RIGI: variants seen among roughly 807,000 people sequenced by gnomAD.
The protein encoded by RIGI is antiviral innate immune response receptor RIG-I.
the RIGI span, among the ~76,000 whole-genome samples, chr9:32,519,542 AT>A: frequency 6.6e-6 from 1 of 152,216 alleles, no homozygotes; most frequent in Non-Finnish European, 1.5e-5. Flanking sequence ...GTACATTATT[AT>A]TGGTTATTTG....
the RIGI span, chr9:32,481,355 G>A: frequency 6.2e-6 from 10 of 1,612,512 alleles, no homozygotes; most frequent in African/African-American, 1.3e-5. Flanking sequence ...AATGTGAAGT[G>A]TATAAAAACA....
the RIGI span, among the ~76,000 whole-genome samples, chr9:32,481,865 G>T: frequency 1.3e-5 from 2 of 152,164 alleles, no homozygotes; most frequent in African/African-American, 4.8e-5. Context: ...GATTACAGGC[G>T]TGAGCCACTG....
the RIGI span, among the ~76,000 whole-genome samples, chr9:32,469,802 T>C: frequency 3.9e-5 from 6 of 152,222 alleles, no homozygotes; most frequent in African/African-American, 1.4e-4. Flanking sequence ...TCAAACAATA[T>C]GCGCACTTCA....
chr9:32,488,918 G>A, the RIGI span: 17 of 1,564,826 alleles, frequency 1.1e-5, no homozygotes, highest in Middle Eastern at 1.8e-4. Context: ...AAGAAAACAT[G>A]TAACTCATAT....
chr9:32,475,182 C>CT, the RIGI span, among the ~76,000 whole-genome samples: 1 of 152,088 alleles, frequency 6.6e-6, no homozygotes, highest in Non-Finnish European at 1.5e-5. Context: ...AAACTCCTGA[C>CT]TTCAAGTGAT....
the RIGI span, among the ~76,000 whole-genome samples, chr9:32,460,729 A>T: frequency 3.3e-5 from 5 of 152,098 alleles, no homozygotes; most frequent in African/African-American, 1.2e-4. Context: ...GAACTGAAAG[A>T]ACAACAGAAA....
At chr9:32,458,573 C>T in the RIGI span, among the ~76,000 whole-genome samples, 1 of 152,068 alleles carries the variant, frequency 6.6e-6, no homozygotes, top group South Asian at 2.1e-4. Context: ...TACTTTTTTC[C>T]TTATTACCAT....
the RIGI span, among the ~76,000 whole-genome samples, chr9:32,482,152 CCCTT>C: frequency 1.3e-5 from 2 of 152,076 alleles, no homozygotes; most frequent in Non-Finnish European, 2.9e-5. Context: ...CTTGTTCCCT[CCCTT>C]GAGTTTTAAG....
the RIGI span, chr9:32,466,506 G>T: frequency 7.1e-7 from 1 of 1,404,102 alleles, no homozygotes. Flanking sequence ...TCTGCAAATA[G>T]GTAAACAAAT....
At chr9:32,525,162 A>C in the RIGI span, among the ~76,000 whole-genome samples, 1 of 152,194 alleles carries the variant, frequency 6.6e-6, no homozygotes, top group Non-Finnish European at 1.5e-5. Context: ...CCTAATAAGA[A>C]GGGCTGTGTA....
the RIGI span, chr9:32,489,504 C>G: frequency 5.3e-6 from 6 of 1,127,396 alleles, no homozygotes; most frequent in Non-Finnish European, 8.0e-6. Context: ...TGAGGAATCA[C>G]GGCAATAGCT....
chr9:32,518,057 G>A, the RIGI span, among the ~76,000 whole-genome samples: 2 of 151,984 alleles, frequency 1.3e-5, no homozygotes, highest in African/African-American at 2.4e-5. Context: ...TTGCTTCCTA[G>A]GTTTTTACTG....
At chr9:32,509,145 C>A in the RIGI span, among the ~76,000 whole-genome samples, 2 of 152,160 alleles carry the variant, frequency 1.3e-5, no homozygotes, top group Non-Finnish European at 2.9e-5. Context: ...GAGAGGGCAC[C>A]TGGGGAAAAG....
At chr9:32,511,706 G>C in the RIGI span, among the ~76,000 whole-genome samples, 1 of 152,048 alleles carries the variant, frequency 6.6e-6, no homozygotes, top group Non-Finnish European at 1.5e-5. Context: ...TCAAAAGCTA[G>C]CAAAAGACAA....
the RIGI span, among the ~76,000 whole-genome samples, chr9:32,497,960 A>G: frequency 6.6e-6 from 1 of 152,332 alleles, no homozygotes. Context: ...AAGGATTAAA[A>G]TAACTTATAA....
the RIGI span, among the ~76,000 whole-genome samples, chr9:32,480,569 C>T: frequency 1.3e-5 from 2 of 152,150 alleles, no homozygotes; most frequent in Non-Finnish European, 2.9e-5. Flanking sequence ...TAGCTAGTAA[C>T]ATTAATTATC....
chr9:32,494,954 T>C, the RIGI span, among the ~76,000 whole-genome samples: 3 of 152,204 alleles, frequency 2.0e-5, no homozygotes, highest in Admixed American at 2.0e-4. Flanking sequence ...TTCTACCTTG[T>C]AAGCTATCAC....
At chr9:32,468,182 T>C in the RIGI span, among the ~76,000 whole-genome samples, 2 of 152,254 alleles carry the variant, frequency 1.3e-5, no homozygotes, top group Admixed American at 6.5e-5. Flanking sequence ...CTGGGGGACT[T>C]ACTAGTTGTA....
At chr9:32,483,001 T>G in the RIGI span, among the ~76,000 whole-genome samples, 103 of 152,240 alleles carry the variant, frequency 6.8e-4, 3 homozygotes, top group Non-Finnish European at 1.8e-4. Flanking sequence ...CACACATGCA[T>G]CTGTCTGTGT....
Sources: allele counts gnomAD v4.1 joint callset (sites outside exome capture counted in the v4.1 genomes callset), GRCh38; gene constraint gnomAD v4.1.1; transcripts MANE v1.5; gene names NCBI Gene and HGNC (gene_info 2026-07-23, HGNC 2026-07-21).